MS4A14: variants seen among roughly 807,000 people sequenced by gnomAD.
MS4A14 encodes the protein membrane spanning 4-domains A14, also known as membrane-spanning 4-domains subfamily A member 14.
MS4A14 carries 18 observed loss-of-function variants against 16.7 expected under a neutral mutation model. The ratio of observed to expected loss-of-function variants is 1.08; its 90% CI spans 0.75 to 1.60. The LOEUF (loss-of-function observed/expected upper bound fraction) is 1.60, where lower values mean the gene tolerates loss of function less well. MS4A14 is among the 40% of genes most tolerant of loss of function. MS4A14 has a pLI of 0.00. For synonymous variants in MS4A14, 305 were observed against 289.4 expected (o/e 1.05, Z -0.55); for missense variants, 812 against 775.3 (o/e 1.05, Z -0.56).
chr11:60,409,236 T>C (rs919926102), intron 4 of MS4A14, among the ~76,000 whole-genome samples: 4 of 152,094 alleles, frequency 2.6e-5, no homozygotes, highest in Non-Finnish European at 4.4e-5. Context: ...ATAGAACTTA[T>C]TCTTACTATC....
intron 4 of MS4A14, among the ~76,000 whole-genome samples, chr11:60,410,963 G>A (rs759364028): frequency 2.7e-4 from 41 of 151,728 alleles, no homozygotes; most frequent in Non-Finnish European, 4.3e-4. Context: ...CTTCTGCCTC[G>A]GCCTCCTAAG....
At chr11:60,403,225 C>T (rs1334663408) in intron 4 of MS4A14, 164 bp downstream of exon 4, 8 of 706,706 alleles carry the variant, frequency 1.1e-5, no homozygotes, top group South Asian at 3.5e-5. Context: ...GGTTAAGGAG[C>T]GATATTTTCT....
intron 3 of MS4A14, among the ~76,000 whole-genome samples, chr11:60,402,316 G>C (rs1274557615): frequency 6.6e-6 from 1 of 152,146 alleles, no homozygotes; most frequent in Non-Finnish European, 1.5e-5. Flanking sequence ...CGATTCTGTT[G>C]ATTATTGCTT....
Position 60,417,114 on chromosome 11 carries a change from C to G in MS4A14, c.*106C>G. The G allele has an allele frequency of 7.1e-7, 1 of 1,409,308 alleles. No individual in the cohort carries two copies. Among genetic ancestry groups the G allele is most frequent in the Non-Finnish European group, 9.4e-7 (1 of 1,064,746 alleles). 87.3% of individuals were successfully genotyped at this position (1,409,308 alleles called of 1,614,324 possible). A position where few individuals can be genotyped will look rare whatever the true frequency, so the allele number is the denominator to read the frequency against. On this transcript the variant is annotated 3_prime_UTR_variant, in exon 5 of 5. Transcript: ENST00000300187. ...GAGAAAGAAGCCCTAAAGCAGAAAG[C>G]TCTATACCAAGAAGTCCAAACCCAG...
intron 4 of MS4A14, among the ~76,000 whole-genome samples, chr11:60,408,056 T>C (rs778391250): frequency 2.6e-5 from 4 of 152,146 alleles, no homozygotes; most frequent in African/African-American, 4.8e-5. Flanking sequence ...TTAACTTTCA[T>C]GTACAGTTGT....
chr11:60,408,162 TG>T (rs1404925716), intron 4 of MS4A14, among the ~76,000 whole-genome samples: 13 of 152,202 alleles, frequency 8.5e-5, no homozygotes, highest in Admixed American at 8.5e-4. Flanking sequence ...TCCATCACCT[TG>T]GTATTTTTGT....
intron 4 of MS4A14, 178 bp downstream of exon 4, chr11:60,403,239 C>G (rs544137177): frequency 3.1e-6 from 2 of 636,698 alleles, no homozygotes; most frequent in Non-Finnish European, 5.4e-6. Context: ...ATTTTCTGGA[C>G]TTGAATCCTG....
chr11:60,417,039 C>A lies in MS4A14; in HGVS notation c.*31C>A. 6.3e-7 allele frequency: 1 copy of A among 1,577,466 alleles called. No homozygotes were observed. The highest frequency in any genetic ancestry group is 8.6e-7 in the Non-Finnish European group (1 of 1,164,912). On this transcript the variant is annotated 3_prime_UTR_variant, in exon 5 of 5. Coordinates refer to ENST00000300187, the MANE Select transcript of MS4A14 (RefSeq NM_032597.5). ...GGCTGGAGAAACAAAGATTATAAAG[C>A]ACGAGAATGGCAATTTGAAATGAAG...
intron 4 of MS4A14, among the ~76,000 whole-genome samples, chr11:60,409,475 A>T (rs150815301): frequency 6.8e-4 from 104 of 151,870 alleles, no homozygotes; most frequent in African/African-American, 2.4e-3. Context: ...AGGTTAATGC[A>T]TGTTGCCACA....
At chr11:60,397,017 G>A (rs2085634941) in intron 1 of MS4A14, among the ~76,000 whole-genome samples, 1 of 152,154 alleles carries the variant, frequency 6.6e-6, no homozygotes, top group Admixed American at 6.5e-5. Flanking sequence ...TGCTCTTAAA[G>A]GAATTGGGAG....
chr11:60,399,961 T>C (rs1043339681), intron 2 of MS4A14, among the ~76,000 whole-genome samples: 12 of 152,130 alleles, frequency 7.9e-5, no homozygotes, highest in Non-Finnish European at 1.8e-4. Flanking sequence ...TACTAGGCTC[T>C]ACGATCATGG....
intron 4 of MS4A14, chr11:60,404,463 G>A (rs537623194): frequency 2.1e-4 from 94 of 442,756 alleles, no homozygotes; most frequent in South Asian, 9.1e-4. Flanking sequence ...CCTGTAAAAC[G>A]TATGATGATT....
Position 60,416,350 on chromosome 11 carries a change from G to A in MS4A14, c.1382G>A (p.Arg461Lys), listed in dbSNP as rs2085943322. The A allele has an allele frequency of 6.2e-7, 1 of 1,613,892 alleles. No homozygotes were observed. Among genetic ancestry groups the A allele is most frequent in the Non-Finnish European group, 8.5e-7 (1 of 1,179,906 alleles). The change falls in exon 5 of 5, where the codon AGA becomes AAA. Residue 461 changes from arginine to lysine, a missense_variant. Transcript: ENST00000300187. ...TTACAAATGTCATATCAAGATATTA[G>A]ATCAGAAGTTATGGAAGAGACCAAA... Reference protein sequence around the residue: ...QILQMSYQDIRSEVMEETKEW... With the variant: ...QILQMSYQDIKSEVMEETKEW...
chr11:60,397,721 T>G, intron 1 of MS4A14, 131 bp from the exon 2 acceptor site: 1 of 796,044 alleles, frequency 1.3e-6, no homozygotes. Flanking sequence ...CTGAGAATGA[T>G]TGACAAATGA....
chr11:60,405,934 A>C (rs1398031048), intron 4 of MS4A14: 2 of 1,534,528 alleles, frequency 1.3e-6, no homozygotes, highest in Admixed American at 2.0e-5. Context: ...AGAGCTCAGC[A>C]TCTCTGTGAC....
intron 4 of MS4A14, chr11:60,404,741 G>A (rs2085762988): frequency 5.1e-6 from 2 of 393,858 alleles, no homozygotes; most frequent in Non-Finnish European, 1.0e-5. Context: ...AGTTCTTCCT[G>A]ACCTCACCTC....
chr11:60,416,971 C>A lies in MS4A14; in HGVS notation c.2003C>A (p.Thr668Asn). The A allele has an allele frequency of 6.2e-7, 1 of 1,613,178 alleles. No individual in the cohort carries two copies. The highest frequency in any genetic ancestry group is 8.5e-7 in the Non-Finnish European group (1 of 1,179,482). ...KGNLQAGQPRTVNLLAKNPLT... is the reference protein window; with the variant it reads ...KGNLQAGQPRNVNLLAKNPLT... Reference sequence around the variant, plus strand: ...AATCTCCAGGCTGGACAACCCAGGACTGTCAATCTTTTGGCCAAGAATCCC... The same window carrying A: ...AATCTCCAGGCTGGACAACCCAGGAATGTCAATCTTTTGGCCAAGAATCCC... Residue 668 changes from threonine to asparagine, a missense_variant, in exon 5 of 5, where the codon ACT becomes AAT. Thr to Asn is a moderately conservative substitution (Grantham distance 65). Transcript: ENST00000300187.
rs764912636 is a variant in MS4A14, at chr11:60,416,825, A to T, written c.1857A>T (p.Gly619=). Residue 619 remains glycine, a synonymous_variant, in exon 5 of 5, where the codon GGA becomes GGT. Transcript: ENST00000300187. The stretch of plus-strand genomic sequence containing the variant: ...CCCAAGAGAAGAAATCCCCGAAAGG[A>T]CAATTCCAAAATGTTCAAGCCGAAG... ...QPAQEKKSPK[G]QFQNVQAEGQ... 4.3e-6 allele frequency: 7 copies of T among 1,613,776 alleles called. No homozygotes were observed. Among genetic ancestry groups the T allele is most frequent in the Non-Finnish European group, 5.9e-6 (7 of 1,179,852 alleles).
chr11:60,400,486 T>A (rs2085696672), intron 3 of MS4A14, 32 bp downstream of exon 3: 2 of 1,493,684 alleles, frequency 1.3e-6, no homozygotes, highest in East Asian at 4.6e-5. Context: ...AAATTTAAAA[T>A]CTTCTATTTG....
Sources: allele counts gnomAD v4.1 joint callset (sites outside exome capture counted in the v4.1 genomes callset), GRCh38; gene constraint gnomAD v4.1.1; transcripts MANE v1.5; gene names NCBI Gene and HGNC (gene_info 2026-07-23, HGNC 2026-07-21).